Variants in NEK7 observed in about 807,000 individuals in gnomAD.
The protein encoded by NEK7 is serine/threonine-protein kinase Nek7.
A neutral mutation model predicts 44.6 loss-of-function variants in NEK7; 18 were observed. That is an observed-to-expected ratio of 0.40 (90% CI 0.28 to 0.60). NEK7 has a LOEUF of 0.60. Among genes scored for constraint, NEK7 ranks in the 20% least tolerant of loss-of-function variants. NEK7 has a pLI of 0.38. For synonymous variants in NEK7, 130 were observed against 121.1 expected, an observed-to-expected ratio of 1.07 and a Z score of -0.48; for missense variants, 256 against 366.5, an observed-to-expected ratio of 0.70 and a Z score of 2.46.
intron 1 of NEK7, among the ~76,000 whole-genome samples, chr1:198,189,889 G>C (rs1343793155): frequency 2.6e-5 from 4 of 152,022 alleles, no homozygotes; most frequent in Non-Finnish European, 5.9e-5. Context: ...TGATTAAAAA[G>C]TTAAACTTAT....
At chr1:198,188,638 T>C (rs1401270418) in intron 1 of NEK7, among the ~76,000 whole-genome samples, 2 of 152,164 alleles carry the variant, frequency 1.3e-5, no homozygotes. Flanking sequence ...TTTTGTCTGC[T>C]TCTTGAGGCT....
chr1:198,211,622 AG>A (rs1236674530), intron 1 of NEK7, among the ~76,000 whole-genome samples: 10 of 152,232 alleles, frequency 6.6e-5, no homozygotes, highest in African/African-American at 2.4e-4. Context: ...AAAAAATAAT[AG>A]GTTATTGAAT....
chr1:198,269,487 G>A (rs1192703763), intron 5 of NEK7, among the ~76,000 whole-genome samples: 2 of 152,070 alleles, frequency 1.3e-5, no homozygotes, highest in African/African-American at 4.8e-5. Flanking sequence ...AACTTCTTTT[G>A]TGAAGGAATA....
Position 198,296,291 on chromosome 1 carries a change from G to A in NEK7, c.685-836G>A, listed in dbSNP as rs902225542. 2.8e-4 allele frequency among the ~76,000 whole-genome samples: 43 copies of A among 152,094 alleles called. 1 individual carries two copies. Among genetic ancestry groups the A allele is most frequent in the Non-Finnish European group, 2.2e-4 (15 of 68,008 alleles). ...CTCCGTGTTGTATTCTTGCTGCTGT[G>A]GTTCAAAGATTTAGAAGGTTTTGAA... On this transcript the variant is annotated intron_variant, in intron 8 of 9. Transcript: ENST00000367385.
At chr1:198,264,416 G>A (rs936676429) in intron 5 of NEK7, among the ~76,000 whole-genome samples, 181 bp downstream of exon 5, 16 of 151,860 alleles carry the variant, frequency 1.1e-4, no homozygotes, top group Non-Finnish European at 4.4e-5. Context: ...GGTTTACTTG[G>A]TGATGTTTAC....
At chr1:198,238,168 C>G (rs1027483723) in intron 2 of NEK7, among the ~76,000 whole-genome samples, 5 of 152,112 alleles carry the variant, frequency 3.3e-5, no homozygotes, top group Non-Finnish European at 5.9e-5. Flanking sequence ...TTTTCCCCAC[C>G]TCCTTGCTTC....
intron 5 of NEK7, among the ~76,000 whole-genome samples, chr1:198,274,800 T>C (rs1197570264): frequency 6.6e-6 from 1 of 151,792 alleles, no homozygotes; most frequent in Non-Finnish European, 1.5e-5. Context: ...GGTCATTTAA[T>C]TTGTAGTGGG....
intron 2 of NEK7, among the ~76,000 whole-genome samples, chr1:198,233,496 C>G (rs902362607): frequency 6.6e-6 from 1 of 152,116 alleles, no homozygotes; most frequent in African/African-American, 2.4e-5. Flanking sequence ...TACAATATGT[C>G]TCATGTATAC....
intron 9 of NEK7, among the ~76,000 whole-genome samples, chr1:198,316,081 T>A (rs895292267): frequency 6.6e-6 from 1 of 152,094 alleles, no homozygotes; most frequent in African/African-American, 2.4e-5. Flanking sequence ...CAAAAGAAAC[T>A]AGGAAGAAAA....
At chr1:198,270,765 A>C (rs898886648) in intron 5 of NEK7, among the ~76,000 whole-genome samples, 8 of 152,026 alleles carry the variant, frequency 5.3e-5, no homozygotes, top group African/African-American at 1.9e-4. Context: ...ATTTTGTATT[A>C]ATTTTTTATT....
Position 198,168,268 on chromosome 1 carries a change from T to C in NEK7, c.-29+10992T>C, listed in dbSNP as rs557437923. On this transcript the variant is annotated intron_variant, in intron 1 of 9. Coordinates refer to ENST00000367385, the MANE Select transcript of NEK7 (RefSeq NM_133494.3). ...TGCCTGGCCTAGGGGAGAGTGATTT[T>C]GTGGTTAATGATTCAGATAATATAA... 5.9e-5 allele frequency among the ~76,000 whole-genome samples: 9 copies of C among 152,310 alleles called. No homozygotes were observed. In the South Asian group the frequency reaches 1.9e-3, roughly 32 times the overall value.
At chr1:198,198,515 C>G (rs116708117) in intron 1 of NEK7, among the ~76,000 whole-genome samples, 1 of 152,124 alleles carries the variant, frequency 6.6e-6, no homozygotes, top group Non-Finnish European at 1.5e-5. Context: ...TCAAGCCTGT[C>G]GACCCACATG....
intron 7 of NEK7, among the ~76,000 whole-genome samples, chr1:198,287,035 A>G (rs904976551): frequency 2.0e-5 from 3 of 152,214 alleles, no homozygotes; most frequent in East Asian, 1.9e-4. Flanking sequence ...ATAAACAGGT[A>G]TAGCACCAAG....
chr1:198,227,719 G>T (rs1483132225), intron 1 of NEK7, among the ~76,000 whole-genome samples: 3 of 151,188 alleles, frequency 2.0e-5, no homozygotes, highest in Non-Finnish European at 4.4e-5. Context: ...GGGGTTGTTT[G>T]TTTTTTTCTT....
chr1:198,171,584 C>T (rs534022430), intron 1 of NEK7, among the ~76,000 whole-genome samples: 1 of 151,684 alleles, frequency 6.6e-6, no homozygotes, highest in Non-Finnish European at 1.5e-5. Flanking sequence ...GAGGCTGAGG[C>T]AGGAGAATCG....
chr1:198,172,500 A>C (rs6428436), intron 1 of NEK7, among the ~76,000 whole-genome samples: 24,519 of 152,150 alleles, frequency 0.16, 2,650 homozygotes, highest in East Asian at 0.58. Context: ...CATGAGACTT[A>C]GGAGGAGCAA....
intron 1 of NEK7, among the ~76,000 whole-genome samples, chr1:198,202,142 G>A (rs1174853208): frequency 2.0e-5 from 3 of 152,076 alleles, no homozygotes; most frequent in East Asian, 1.9e-4. Flanking sequence ...TAACTCAGAC[G>A]TAGCCTCAGC....
At chr1:198,212,215 C>T (rs931122251) in intron 1 of NEK7, among the ~76,000 whole-genome samples, 2 of 152,098 alleles carry the variant, frequency 1.3e-5, no homozygotes, top group African/African-American at 2.4e-5. Context: ...TGGCTGTAAC[C>T]GATGAGCAAA....
At chr1:198,234,902 C>T (rs1033515056) in intron 2 of NEK7, among the ~76,000 whole-genome samples, 1 of 152,172 alleles carries the variant, frequency 6.6e-6, no homozygotes, top group Non-Finnish European at 1.5e-5. Context: ...GATTACCTGA[C>T]AAGAGCTTAT....
Sources: allele counts gnomAD v4.1 joint callset (sites outside exome capture counted in the v4.1 genomes callset), GRCh38; gene constraint gnomAD v4.1.1; transcripts MANE v1.5; gene names NCBI Gene and HGNC (gene_info 2026-07-23, HGNC 2026-07-21).